Variants in MESP1 observed in about 807,000 individuals in gnomAD.
The protein encoded by MESP1 is mesoderm posterior protein 1.
A neutral mutation model predicts 15.2 loss-of-function variants in MESP1; 22 were observed. That is an observed-to-expected ratio of 1.45 (90% confidence interval 1.04 to 2.07). The LOEUF (loss-of-function observed/expected upper bound fraction) is 2.07, where lower values mean the gene tolerates loss of function less well. MESP1 is among the 30% of genes most tolerant of loss of function. MESP1 has a pLI of 0.00. For missense variants in MESP1, 484 were observed against 411.9 expected (o/e 1.17, Z -1.51); for synonymous variants, 216 against 192.6 (o/e 1.12, Z -1.01).
chr15:89,736,564 C>T, the MESP1 span, among the ~76,000 whole-genome samples: 3,692 of 152,014 alleles, frequency 0.024, 160 homozygotes, highest in African/African-American at 0.085. Flanking sequence ...CCGTGAGGGG[C>T]CCCAGGGAAA....
At chr15:89,736,583 G>T in the MESP1 span, among the ~76,000 whole-genome samples, 1 of 152,034 alleles carries the variant, frequency 6.6e-6, no homozygotes, top group East Asian at 1.9e-4. Context: ...AAACTGCATG[G>T]GGACAGTCCT....
chr15:89,745,485 C>T (rs934715398), downstream of MESP1, among the ~76,000 whole-genome samples: 1 of 152,106 alleles, frequency 6.6e-6, no homozygotes, highest in African/African-American at 2.4e-5. The surrounding 1 kb of genome is among the most constrained non-coding windows in gnomAD (Gnocchi z 4.8). Context: ...CTGTGTTGGC[C>T]GGGCGCGGTG....
rs1968095720 is a variant in MESP1, at chr15:89,751,232, G to T, written c.-1C>A. 8.1e-7 allele frequency: 1 copy of T among 1,235,740 alleles called. No individual in the cohort carries two copies. The highest frequency in any genetic ancestry group is 1.5e-5 in the African/African-American group (1 of 64,646). 76.5% of individuals were successfully genotyped at this position (1,235,740 alleles called of 1,614,324 possible). A position where few individuals can be genotyped will look rare whatever the true frequency, so the allele number is the denominator to read the frequency against. On this transcript the variant is annotated 5_prime_UTR_variant, in exon 1 of 2. Transcript: ENST00000300057. ...GCGGCGGGCACAGGGGCTGGGCCAT[G>T]GCAGCGGCGGCGCGTCTGGGGGCCG...
the MESP1 span, among the ~76,000 whole-genome samples, chr15:89,740,479 A>C: frequency 7.9e-5 from 12 of 152,068 alleles, no homozygotes; most frequent in African/African-American, 2.2e-4. Flanking sequence ...ACTATTCTTC[A>C]CAGGGAGGGT....
chr15:89,744,192 C>T, the MESP1 span, among the ~76,000 whole-genome samples: 39 of 152,334 alleles, frequency 2.6e-4, no homozygotes, highest in Admixed American at 2.4e-3. Context: ...AGGGTGACTG[C>T]ACTCAGAGTT....
chr15:89,737,932 T>C, the MESP1 span: 1 of 1,363,536 alleles, frequency 7.3e-7, no homozygotes, highest in South Asian at 1.4e-5. Context: ...TCAACCCAGA[T>C]GACCCAGCCT....
rs755309455 is a variant in MESP1 at position 89,751,154 on chromosome 15, C to T, written c.78G>A (p.Pro26=). The part of the protein sequence containing the change: ...SAAWGPTRRP[P]PSDKDCGRSL... The stretch of plus-strand genomic sequence containing the variant: ...AGCGGCCGCAGTCCTTGTCGGAGGG[C>T]GGCGGCCGCCGAGTTGGGCCCCAGG... The change falls in exon 1 of 2, where the codon CCG becomes CCA. Residue 26 remains proline (P), a synonymous_variant. Transcript: ENST00000300057. 13 of 1,264,382 alleles carry T rather than the reference C, an allele frequency of 1.0e-5. No homozygotes were observed. The highest frequency in any genetic ancestry group is 1.1e-5 in the Non-Finnish European group (11 of 1,007,952). The allele number at this position is 1,264,382 out of a possible 1,614,324, so 78.3% of individuals were successfully genotyped here.
chr15:89,739,738 T>G, the MESP1 span, among the ~76,000 whole-genome samples: 4 of 152,320 alleles, frequency 2.6e-5, no homozygotes, highest in East Asian at 7.7e-4. Flanking sequence ...TTCCAGTGCC[T>G]AGATGTTCCT....
chr15:89,741,536 A>C, the MESP1 span, among the ~76,000 whole-genome samples: 2 of 152,186 alleles, frequency 1.3e-5, no homozygotes, highest in African/African-American at 2.4e-5. Context: ...CCTAAAAGAA[A>C]CCATTACAGA....
chr15:89,751,023 C>G lies in MESP1; in HGVS notation c.209G>C (p.Gly70Ala). 8 of 1,354,668 alleles carry G rather than the reference C, an allele frequency of 5.9e-6. No homozygotes were observed. Among genetic ancestry groups the G allele is most frequent in the Non-Finnish European group, 7.5e-6 (8 of 1,061,766 alleles). The allele number at this position is 1,354,668 out of a possible 1,614,324, so 83.9% of individuals were successfully genotyped here. A position where few individuals can be genotyped will look rare whatever the true frequency, so the allele number is the denominator to read the frequency against. ...GCGGCTGCTGCGCGCGCCGCGCCTA[C>G]CTACGGAGGGGGCGCGGGGGTCCCG... ...TLRDPRAPSVGRRGARSSRLG... is the reference protein window; with the variant it reads ...TLRDPRAPSVARRGARSSRLG... Residue 70 changes from glycine to alanine, a missense_variant, in exon 1 of 2, where the codon GGT (glycine) becomes GCT (alanine). Transcript: ENST00000300057.
At chr15:89,741,369 A>G in the MESP1 span, among the ~76,000 whole-genome samples, 3 of 152,126 alleles carry the variant, frequency 2.0e-5, no homozygotes, top group Non-Finnish European at 4.4e-5. Context: ...CTGGGGCCAC[A>G]GGCATGCGCC....
chr15:89,737,830 C>A, the MESP1 span: 1 of 1,520,046 alleles, frequency 6.6e-7, no homozygotes, highest in Non-Finnish European at 8.9e-7. Flanking sequence ...ACTCTGTGTC[C>A]CCCTCTACCA....
At chr15:89,745,454 C>A (rs141205704), downstream of MESP1, among the ~76,000 whole-genome samples, 6 of 152,238 alleles carry the variant, frequency 3.9e-5, no homozygotes, top group East Asian at 1.2e-3. This position sits in a 1 kb window ranked among gnomAD's most constrained non-coding sequence, Gnocchi z 4.8. Context: ...GGGTGACAGA[C>A]CCCATGGAAA....
At chr15:89,733,299 C>T in the MESP1 span, 9 of 1,340,136 alleles carry the variant, frequency 6.7e-6, no homozygotes, top group Admixed American at 1.8e-4. Context: ...ATCTGACAGC[C>T]TCTCTGACTA....
chr15:89,743,677 G>A, the MESP1 span: 9 of 420,356 alleles, frequency 2.1e-5, no homozygotes, highest in South Asian at 1.3e-4. Context: ...TCGTTCCCAC[G>A]CAGTCCAGAC....
At chr15:89,746,915 C>CCA (rs559849312), downstream of MESP1, among the ~76,000 whole-genome samples, 874 of 101,416 alleles carry the variant, frequency 8.6e-3, 26 homozygotes, top group African/African-American at 0.034. Flanking sequence ...AGCCCCGCCT[C>CCA]CACACACAGC....
chr15:89,743,480 G>C, the MESP1 span: 3 of 1,262,584 alleles, frequency 2.4e-6, no homozygotes, highest in Non-Finnish European at 3.4e-6. Context: ...AAATGTAACA[G>C]AGCCACAGCT....
Position 89,751,162 on chromosome 15 carries a change from G to A in MESP1, c.70C>T (p.Arg24Trp). The A allele has an allele frequency of 1.6e-6, 2 of 1,268,612 alleles. No homozygotes were observed. Among genetic ancestry groups the A allele is most frequent in the South Asian group, 3.4e-5 (1 of 29,518 alleles). The allele number at this position is 1,268,612 out of a possible 1,614,324, so 78.6% of individuals were successfully genotyped here. ...CAGTCCTTGTCGGAGGGCGGCGGCC[G>A]CCGAGTTGGGCCCCAGGCCGCAGAG... is the stretch of plus-strand genomic sequence containing the variant. ...MLSAAWGPTR[R>W]PPPSDKDCGR... The change falls in exon 1 of 2, where the codon CGG becomes TGG. Residue 24 changes from arginine to tryptophan, a missense_variant. By Grantham distance (101) the Arg-to-Trp change is moderately radical. Coordinates refer to ENST00000300057, the MANE Select transcript of MESP1 (RefSeq NM_018670.4).
chr15:89,747,517 G>T (rs182375958), downstream of MESP1, among the ~76,000 whole-genome samples: 42 of 152,322 alleles, frequency 2.8e-4, no homozygotes, highest in East Asian at 6.9e-3. Flanking sequence ...TGCCGGTGCA[G>T]TCCTTCTCAC....
Sources: gnomAD v4.1 joint callset for allele counts (sites outside exome capture counted in the v4.1 genomes callset) on GRCh38, gnomAD v4.1.1 for gene constraint, Gnocchi (gnomAD v3.1) non-coding constraint, MANE v1.5 for transcripts, NCBI Gene and HGNC (gene_info 2026-07-23, HGNC 2026-07-21) for gene names.